CC2D2B: variants seen among roughly 807,000 people sequenced by gnomAD.
The protein encoded by CC2D2B is coiled-coil and C2 domain containing 2B.
A neutral mutation model predicts 161.2 loss-of-function variants in CC2D2B; 128 were observed. The observed-to-expected ratio is 0.79, with a 90% CI of 0.69 to 0.92. CC2D2B has a LOEUF of 0.92. Ranked by LOEUF, CC2D2B falls within the 40% of genes least tolerant of loss-of-function variation. The pLI is 0.00. For missense variants in CC2D2B, 1,173 were observed against 1,375.1 expected (o/e 0.85, Z 2.32); for synonymous variants, 391 against 449.8 (o/e 0.87, Z 1.65).
In CC2D2B at chr10:95,951,114, C is replaced by T. The variant is rs528448966; in HGVS notation, c.1011+1009C>T. Among the ~76,000 whole-genome samples the T allele has an allele frequency of 7.1e-4, 108 of 152,220 alleles. 1 individual carries two copies. The highest frequency in any genetic ancestry group is 2.4e-3 in the African/African-American group (99 of 41,546). On this transcript the variant is annotated intron_variant, in intron 10 of 34. Transcript: ENST00000646931. ...GATTACAGGCATGAGCCACCATGCCCGGCTAATATGTGCTTTTTAAAATAT... is the reference window on the plus strand; with the variant it reads ...GATTACAGGCATGAGCCACCATGCCTGGCTAATATGTGCTTTTTAAAATAT...
At chr10:95,923,249 TTGTGTG>T (rs138330203) in intron 3 of CC2D2B, among the ~76,000 whole-genome samples, 1 of 150,408 alleles carries the variant, frequency 6.6e-6, no homozygotes, top group Non-Finnish European at 1.5e-5. Flanking sequence ...GCCCCCAAAT[TTGTGTG>T]TGTGTGTGTG....
At chr10:95,967,847 C>G (rs1371757811) in intron 14 of CC2D2B, among the ~76,000 whole-genome samples, 2 of 152,110 alleles carry the variant, frequency 1.3e-5, no homozygotes, top group Admixed American at 6.6e-5. Flanking sequence ...GATAATAAGG[C>G]AGGGACATAC....
At chr10:95,917,151 CTGTT>C (rs1817787470) in intron 2 of CC2D2B, among the ~76,000 whole-genome samples, 1 of 152,066 alleles carries the variant, frequency 6.6e-6, no homozygotes, top group Non-Finnish European at 1.5e-5. Context: ...CCTTCTTTGT[CTGTT>C]TTTGTCTTGA....
chr10:95,976,726 G>A (rs1198672010), intron 17 of CC2D2B, among the ~76,000 whole-genome samples: 10 of 152,184 alleles, frequency 6.6e-5, no homozygotes, highest in East Asian at 5.8e-4. Flanking sequence ...GTAGTGAACC[G>A]AAAGAGAGTC....
intron 10 of CC2D2B, 26 bp from the exon 11 acceptor site, chr10:95,955,367 CG>C (rs2076537003): frequency 2.6e-6 from 1 of 389,356 alleles, no homozygotes; most frequent in African/African-American, 2.1e-5. Flanking sequence ...TAAAATATAC[CG>C]AAGAGCTCTT....
At chr10:96,027,132 A>G (rs2079818236) in intron 33 of CC2D2B, 80 bp from the exon 34 acceptor site, 1 of 1,149,004 alleles carries the variant, frequency 8.7e-7, no homozygotes, top group Non-Finnish European at 1.2e-6. Context: ...TCAAAAAAAA[A>G]AAAAAGTCAC....
intron 32 of CC2D2B, chr10:96,020,131 C>A: frequency 4.6e-6 from 1 of 219,190 alleles, no homozygotes. Context: ...TAACTCTGAC[C>A]TAGCCCTCCT....
intron 10 of CC2D2B, among the ~76,000 whole-genome samples, chr10:95,952,957 G>A (rs1263040885): frequency 1.3e-5 from 2 of 152,094 alleles, no homozygotes; most frequent in African/African-American, 4.8e-5. Flanking sequence ...GTGATAAAAT[G>A]CCTTTCCCAA....
intron 24 of CC2D2B, among the ~76,000 whole-genome samples, chr10:96,003,586 TTGTGTGTGTG>T (rs68085058): frequency 0.081 from 10,297 of 127,698 alleles, 1,067 homozygotes; most frequent in East Asian, 0.57. Flanking sequence ...GCCCGGCTAA[TTGTGTGTGTG>T]TGTGTGTGTG....
intron 22 of CC2D2B, among the ~76,000 whole-genome samples, chr10:95,994,140 C>T (rs946904155): frequency 1.3e-5 from 2 of 149,930 alleles, no homozygotes; most frequent in South Asian, 2.2e-4. Flanking sequence ...ATGCAGAGAC[C>T]GGTGGTGGCC....
In CC2D2B at chr10:96,013,823, TG is replaced by T; in HGVS notation, c.3463del (p.Val1155CysfsTer15). On this transcript the variant is annotated frameshift_variant, in exon 29 of 35. Coordinates refer to ENST00000646931, the MANE Select transcript of CC2D2B (RefSeq NM_001349008.3). LOFTEE classifies it high-confidence loss of function. ...IARFVSLIPFVPNTPDENDGS... is the reference protein window; with the variant it reads ...IARFVSLIPFXPNTPDENDGS... ...CTCGATTTGTATCTTTGATTCCTTT[TG>T]TGCCTAATACACCAGATGAAAATGA... 1.2e-6 allele frequency: 2 copies of T among 1,604,468 alleles called. No homozygotes were observed. Among genetic ancestry groups the T allele is most frequent in the Non-Finnish European group, 1.7e-6 (2 of 1,174,654 alleles).
intron 6 of CC2D2B, among the ~76,000 whole-genome samples, chr10:95,935,603 A>G (rs1590431144): frequency 1.4e-5 from 2 of 147,814 alleles, no homozygotes; most frequent in East Asian, 4.0e-4. Flanking sequence ...ATTTTTCACT[A>G]CTCTCCTCTC....
chr10:95,913,296 CT>C (rs1046035756), intron 2 of CC2D2B: 27 of 181,736 alleles, frequency 1.5e-4, no homozygotes, highest in Admixed American at 6.4e-4. Context: ...GGATCTCATT[CT>C]TTTTTTTATG....
chr10:95,942,631 A>AT (rs1268171389), intron 9 of CC2D2B, among the ~76,000 whole-genome samples: 2 of 151,880 alleles, frequency 1.3e-5, no homozygotes, highest in Non-Finnish European at 2.9e-5. Flanking sequence ...ATTTTTTGCC[A>AT]TTTTCTTTCA....
chr10:95,932,886 T>C (rs2075661924), intron 6 of CC2D2B, among the ~76,000 whole-genome samples: 1 of 152,198 alleles, frequency 6.6e-6, no homozygotes, highest in Non-Finnish European at 1.5e-5. Context: ...AGGAGTATCT[T>C]TGTGGTATTC....
At chr10:95,988,102 A>G (rs749068979) in intron 19 of CC2D2B, 148 bp from the exon 20 acceptor site, 1 of 384,642 alleles carries the variant, frequency 2.6e-6, no homozygotes, top group Non-Finnish European at 4.6e-6. Flanking sequence ...CAGTGGGAGA[A>G]TCTAAAAGAA....
At chr10:96,029,263 TATA>T (rs1252124881) in intron 34 of CC2D2B, among the ~76,000 whole-genome samples, 4 of 67,002 alleles carry the variant, frequency 6.0e-5, no homozygotes, top group African/African-American at 3.7e-4. Context: ...TATATATATA[TATA>T]TATATATATA....
intron 9 of CC2D2B, among the ~76,000 whole-genome samples, chr10:95,945,727 A>G (rs1038484951): frequency 2.0e-5 from 3 of 150,654 alleles, no homozygotes; most frequent in African/African-American, 7.3e-5. Context: ...CTTTTCACCA[A>G]TGTGTCAGGG....
chr10:95,945,534 C>A (rs893111772), intron 9 of CC2D2B, among the ~76,000 whole-genome samples: 63 of 152,158 alleles, frequency 4.1e-4, no homozygotes, highest in African/African-American at 1.4e-3. Context: ...CTATGACCTT[C>A]CCTCTGCTCC....
Sources: allele counts gnomAD v4.1 joint callset (sites outside exome capture counted in the v4.1 genomes callset), GRCh38; gene constraint gnomAD v4.1.1; transcripts MANE v1.5; gene names NCBI Gene and HGNC (gene_info 2026-07-23, HGNC 2026-07-21).